The following UST variants were observed in gnomAD, a reference collection of about 807,000 sequenced individuals.
UST encodes the protein chondroitin sulfate 2-O-sulfotransferase.
A neutral mutation model predicts 45.6 loss-of-function variants in UST; 21 were observed. The ratio of observed to expected loss-of-function variants is 0.46; its 90% CI spans 0.33 to 0.66. The LOEUF is 0.66. Ranked by LOEUF, UST falls within the 30% of genes least tolerant of loss-of-function variation. The pLI, the probability that UST is intolerant of heterozygous loss-of-function variation, is 0.02. For missense variants in UST, 463 were observed against 512.4 expected (o/e 0.90, Z 0.93); for synonymous variants, 215 against 200.6 (o/e 1.07, Z -0.61).
At chr6:149,052,762 T>G (rs189954878) in intron 7 of UST, among the ~76,000 whole-genome samples, 141 of 152,358 alleles carry the variant, frequency 9.3e-4, no homozygotes, top group African/African-American at 3.2e-3. Context: ...TGTTCATTGA[T>G]ATTCTAAATG....
intron 5 of UST, among the ~76,000 whole-genome samples, chr6:148,981,024 C>T (rs539813515): frequency 2.0e-5 from 3 of 152,254 alleles, no homozygotes; most frequent in South Asian, 2.1e-4. Context: ...CACACCTGGC[C>T]GGAAAGACCA....
At chr6:148,864,026 A>G (rs1778374099) in intron 1 of UST, among the ~76,000 whole-genome samples, 1 of 152,122 alleles carries the variant, frequency 6.6e-6, no homozygotes, top group South Asian at 2.1e-4. Context: ...TACTCTCTTC[A>G]AAGCTGTCAG....
chr6:149,057,463 T>C (rs967920127), intron 7 of UST, among the ~76,000 whole-genome samples: 2 of 152,222 alleles, frequency 1.3e-5, no homozygotes, highest in African/African-American at 4.8e-5. Flanking sequence ...AGTGGTATCT[T>C]AGAGTTGGCA....
chr6:148,784,630 G>C (rs1264210700), intron 1 of UST, among the ~76,000 whole-genome samples: 1 of 152,224 alleles, frequency 6.6e-6, no homozygotes, highest in East Asian at 1.9e-4. Flanking sequence ...TATATTGGCT[G>C]TTTATCTTGT....
chr6:148,986,356 G>T (rs186762568), intron 5 of UST, among the ~76,000 whole-genome samples: 1 of 152,328 alleles, frequency 6.6e-6, no homozygotes, highest in Non-Finnish European at 1.5e-5. Context: ...GATTACAGAG[G>T]TTAAGTAACT....
intron 3 of UST, among the ~76,000 whole-genome samples, chr6:148,949,395 AAATAATAATAATAATAATAAT>A (rs71007932): frequency 1.5e-5 from 2 of 136,852 alleles, no homozygotes; most frequent in Admixed American, 1.5e-4. Flanking sequence ...CTTTGTCTCA[AAATAATAATAATAATAATAAT>A]AATAATAATA....
At chr6:148,902,602 C>T (rs1256880825) in intron 2 of UST, among the ~76,000 whole-genome samples, 1 of 152,070 alleles carries the variant, frequency 6.6e-6, no homozygotes, top group Non-Finnish European at 1.5e-5. Context: ...TGGTCTTGAA[C>T]TCCTGGCCTT....
intron 4 of UST, among the ~76,000 whole-genome samples, chr6:148,962,646 A>G (rs1780686497): frequency 6.6e-6 from 1 of 152,174 alleles, no homozygotes; most frequent in Admixed American, 6.5e-5. Context: ...AGTTACATGA[A>G]TGTGTATTTC....
intron 1 of UST, among the ~76,000 whole-genome samples, chr6:148,844,849 T>C (rs1777957113): frequency 6.6e-6 from 1 of 152,174 alleles, no homozygotes; most frequent in Non-Finnish European, 1.5e-5. Flanking sequence ...ATGTGCTTAA[T>C]GGTTACCTCC....
At chr6:148,751,385 G>A (rs112740505) in intron 1 of UST, among the ~76,000 whole-genome samples, 172 of 152,322 alleles carry the variant, frequency 1.1e-3, no homozygotes, top group Non-Finnish European at 1.6e-3. Flanking sequence ...GAGGTGTGAC[G>A]TGAGGAGTAG....
At chr6:148,992,625 G>T (rs1781377515) in intron 5 of UST, among the ~76,000 whole-genome samples, 1 of 152,072 alleles carries the variant, frequency 6.6e-6, no homozygotes. Context: ...ACTTGGTTGT[G>T]GTTGTAGTTT....
At chr6:148,878,050 G>A (rs1171456887) in intron 1 of UST, among the ~76,000 whole-genome samples, 5 of 135,184 alleles carry the variant, frequency 3.7e-5, no homozygotes, top group African/African-American at 5.7e-5. Flanking sequence ...ATGAGTGGGG[G>A]GTTCGTGTAT....
chr6:149,004,811 G>A (rs74780282), intron 5 of UST, among the ~76,000 whole-genome samples: 14 of 152,242 alleles, frequency 9.2e-5, no homozygotes, highest in Non-Finnish European at 2.1e-4. Flanking sequence ...CACAGGAATA[G>A]GGTCATGCTA....
intron 1 of UST, among the ~76,000 whole-genome samples, chr6:148,777,162 G>A (rs192417296): frequency 2.0e-5 from 3 of 152,202 alleles, no homozygotes; most frequent in East Asian, 3.9e-4. Context: ...CTCACTTACC[G>A]CACTTAAAAC....
At position 148,774,890 on chromosome 6, in the gene UST, C is replaced by T. The variant is rs560285895; in HGVS notation, c.247+27213C>T. ...AAAATTAGCCAGGCATGGTGGCAGG[C>T]GCCTGTAATCCCAGCTACTGGGGAG... On this transcript the variant is annotated intron_variant, in intron 1 of 7. Transcript: ENST00000367463. 2.7e-3 allele frequency among the ~76,000 whole-genome samples: 414 copies of T among 152,206 alleles called. 2 individuals are homozygous for T. The highest frequency in any genetic ancestry group is 9.3e-3 in the African/African-American group (387 of 41,528).
chr6:148,887,884 C>G (rs933879790), intron 2 of UST, among the ~76,000 whole-genome samples: 3 of 152,148 alleles, frequency 2.0e-5, no homozygotes, highest in African/African-American at 7.2e-5. Flanking sequence ...CTCTAGCTCT[C>G]CCTGTACTTG....
In UST at chr6:148,965,843, C is replaced by T. The variant is rs1780780911; in HGVS notation, c.681+1280C>T. On this transcript the variant is annotated intron_variant, in intron 5 of 7. Coordinates refer to ENST00000367463, the MANE Select transcript of UST (RefSeq NM_005715.3). ...ATTTTATTTTTATTTTTATTTTCTT[C>T]CTTTGATGATATATTTTAAAAGTGG... is the stretch of plus-strand genomic sequence containing the variant. 2.0e-5 allele frequency among the ~76,000 whole-genome samples: 3 copies of T among 147,124 alleles called. No homozygotes were observed. In the South Asian group the frequency reaches 6.6e-4, roughly 32 times the overall value.
intron 2 of UST, among the ~76,000 whole-genome samples, chr6:148,913,433 T>A (rs1054587330): frequency 6.9e-6 from 1 of 145,470 alleles, no homozygotes; most frequent in African/African-American, 2.6e-5. Flanking sequence ...CTTTTTTTTT[T>A]TTTTTTTTTT....
chr6:149,030,260 A>G (rs939248928), intron 7 of UST, among the ~76,000 whole-genome samples: 2 of 152,138 alleles, frequency 1.3e-5, no homozygotes, highest in Non-Finnish European at 2.9e-5. Flanking sequence ...ATTCCTCTAA[A>G]ACTCTTCTTT....
Sources: allele counts gnomAD v4.1 joint callset (sites outside exome capture counted in the v4.1 genomes callset), GRCh38; gene constraint gnomAD v4.1.1; transcripts MANE v1.5; gene names NCBI Gene and HGNC (gene_info 2026-07-23, HGNC 2026-07-21).